Variants in MCUR1 observed in about 807,000 individuals in gnomAD.
The protein encoded by MCUR1 is MCU regulator 1.
A neutral mutation model predicts 42.0 loss-of-function variants in MCUR1; 37 were observed. That is an observed-to-expected ratio of 0.88 (90% confidence interval 0.68 to 1.16). MCUR1 has a LOEUF of 1.16. Among genes scored for constraint, MCUR1 ranks in the 50% most tolerant of loss-of-function variants. The probability of loss-of-function intolerance (pLI) is 0.00; values close to 1 mark genes in which losing one functional copy is unlikely to be tolerated. For synonymous variants in MCUR1, 229 were observed against 196.2 expected (o/e 1.17, Z -1.40); for missense variants, 469 against 468.4 (o/e 1.00, Z -0.01).
At chr6:13,798,289 G>A (rs546992135) in intron 6 of MCUR1, among the ~76,000 whole-genome samples, 4 of 151,940 alleles carry the variant, frequency 2.6e-5, no homozygotes, top group Admixed American at 2.6e-4. Context: ...TACAGACAGG[G>A]TTTCACCATG....
rs1759923489 is a variant in MCUR1 at position 13,798,962 on chromosome 6, A to G, written c.784-58T>C. ...ATCCAAAGTAAGAAACCCAAACTCT[A>G]TGAGGACGTGACACTGGGACCACTG... On this transcript the variant is annotated intron_variant, in intron 5 of 8. Transcript: ENST00000379170. The G allele has an allele frequency of 4.8e-6, 5 of 1,046,364 alleles. No individual in the cohort carries two copies. The South Asian group carries it at 5.2e-5, about 11-fold the overall frequency. 64.8% of individuals were successfully genotyped at this position (1,046,364 alleles called of 1,614,324 possible).
rs1169258867 is a variant in MCUR1, at chr6:13,789,239, A to C, written c.*1570T>G. On this transcript the variant is annotated 3_prime_UTR_variant, in exon 9 of 9. Coordinates refer to ENST00000379170, the MANE Select transcript of MCUR1 (RefSeq NM_001031713.4). ...AACATGGTGAAACCTCATCTCTACT[A>C]AAAATACAAAAATTAGCTGGGCGTG... The C allele has an allele frequency of 6.6e-6, 1 of 152,286 alleles. No individual in the cohort carries two copies. The highest frequency in any genetic ancestry group is 1.5e-5 in the Non-Finnish European group (1 of 68,116). The allele number at this position is 152,286 out of a possible 1,614,324, so 9.4% of individuals were successfully genotyped here. A position where few individuals can be genotyped will look rare whatever the true frequency, so the allele number is the denominator to read the frequency against.
chr6:13,798,787 C>A (rs1193548555), intron 6 of MCUR1, 46 bp downstream of exon 6: 2 of 1,482,684 alleles, frequency 1.3e-6, no homozygotes, highest in South Asian at 1.2e-5. Flanking sequence ...GCATTCCATT[C>A]CAAAAATAAA....
chr6:13,794,001 C>T lies in MCUR1; in HGVS notation c.856-54G>A. 2.6e-6 allele frequency: 4 copies of T among 1,526,628 alleles called. No homozygotes were observed. In the South Asian group the frequency reaches 4.5e-5, roughly 17 times the overall value. The allele number at this position is 1,526,628 out of a possible 1,614,324, so 94.6% of individuals were successfully genotyped here. A position where few individuals can be genotyped will look rare whatever the true frequency, so the allele number is the denominator to read the frequency against. ...TTCTGATCTACTCCTCTCTCTTCTC[C>T]TTCTCTGGTGCCTTAAATATTCTGG... On this transcript the variant is annotated intron_variant, in intron 6 of 8. Coordinates refer to ENST00000379170, the MANE Select transcript of MCUR1 (RefSeq NM_001031713.4).
At chr6:13,799,098 T>A (rs1759928105) in intron 5 of MCUR1, among the ~76,000 whole-genome samples, 194 bp from the exon 6 acceptor site, 1 of 152,144 alleles carries the variant, frequency 6.6e-6, no homozygotes. Flanking sequence ...CCAAGCCACA[T>A]CTGGAGGCAG....
rs535467191 is a variant in MCUR1, at chr6:13,792,936, C to T, written c.910-944G>A. Among the ~76,000 whole-genome samples, 4 of 151,980 alleles carry T rather than the reference C, an allele frequency of 2.6e-5. 1 individual carries two copies. In the East Asian group the frequency reaches 5.8e-4, roughly 22 times the overall value. On this transcript the variant is annotated intron_variant, in intron 7 of 8. Transcript: ENST00000379170. ...TAGAATAAGACTTCTCCATTCCTCA[C>T]TATTCTTCAATTACTGAGATTTAAA... is the stretch of plus-strand genomic sequence containing the variant.
At chr6:13,800,046 G>C (rs1561732220) in intron 5 of MCUR1, among the ~76,000 whole-genome samples, 1 of 151,700 alleles carries the variant, frequency 6.6e-6, no homozygotes, top group African/African-American at 2.4e-5. Flanking sequence ...TGGCCAAGCT[G>C]GTCTGAACTC....
At chr6:13,795,199 T>G (rs1759829263) in intron 6 of MCUR1, among the ~76,000 whole-genome samples, 2 of 143,160 alleles carry the variant, frequency 1.4e-5, no homozygotes, top group Non-Finnish European at 3.1e-5. Flanking sequence ...AGCCAAGGAG[T>G]AGGTTGTAAA....
chr6:13,805,512 G>T (rs1296526981), intron 2 of MCUR1, among the ~76,000 whole-genome samples: 1 of 152,136 alleles, frequency 6.6e-6, no homozygotes, highest in Admixed American at 6.5e-5. Flanking sequence ...TACTATAGAT[G>T]GGCAAATAAA....
chr6:13,802,242 CCTG>C lies in MCUR1; in HGVS notation c.637_639del (p.Gln213del), dbSNP rs1269427933. ...TTGCTAAACCACCCAACAAGGCTAACCTGCTGCATCTTGGTGACCATATCTTTG... is the reference window on the plus strand; with the variant it reads ...TTGCTAAACCACCCAACAAGGCTAACCTGCATCTTGGTGACCATATCTTTG... On this transcript the variant is annotated inframe_deletion and splice_region_variant, in exon 3 of 9. Transcript: ENST00000379170. 1.2e-6 allele frequency: 2 copies of C among 1,613,234 alleles called. No individual in the cohort carries two copies. Among genetic ancestry groups the C allele is most frequent in the Non-Finnish European group, 1.7e-6 (2 of 1,179,426 alleles).
rs1273499178 is a variant in MCUR1 at position 13,814,184 on chromosome 6, G to A, written c.246C>T (p.Ala82=). 7 of 1,373,286 alleles carry A rather than the reference G, an allele frequency of 5.1e-6. No individual in the cohort carries two copies. Among genetic ancestry groups the A allele is most frequent in the Admixed American group, 3.8e-5 (1 of 26,070 alleles). The allele number at this position is 1,373,286 out of a possible 1,614,324, so 85.1% of individuals were successfully genotyped here. The part of the protein sequence containing the change: ...LLLVPSPRLA[A]AAPRRQLGDW... ...CCCCGAGCTGCCGGCGCGGGGCTGC[G>A]GCGGCCAAGCGCGGGGAGGGCACTA... The change falls in exon 1 of 9, where the codon GCC becomes GCT. Residue 82 remains alanine (A), a synonymous_variant. Coordinates refer to ENST00000379170, the MANE Select transcript of MCUR1 (RefSeq NM_001031713.4).
At chr6:13,800,599 C>A (rs1584986072) in intron 4 of MCUR1, among the ~76,000 whole-genome samples, 1 of 152,340 alleles carries the variant, frequency 6.6e-6, no homozygotes, top group East Asian at 1.9e-4. Flanking sequence ...GTTTGGCATA[C>A]ACATTTGCCT....
At chr6:13,812,433 C>T (rs540783464) in intron 1 of MCUR1, among the ~76,000 whole-genome samples, 18 of 152,288 alleles carry the variant, frequency 1.2e-4, no homozygotes, top group African/African-American at 4.3e-4. Flanking sequence ...ACCACCTTAC[C>T]GATTGGTCAG....
chr6:13,800,606 G>A (rs1759969784), intron 4 of MCUR1, among the ~76,000 whole-genome samples: 1 of 152,186 alleles, frequency 6.6e-6, no homozygotes, highest in Non-Finnish European at 1.5e-5. Context: ...ATACACATTT[G>A]CCTTCAGTGA....
chr6:13,805,793 T>C (rs892307029), intron 2 of MCUR1, among the ~76,000 whole-genome samples: 1 of 152,222 alleles, frequency 6.6e-6, no homozygotes, highest in Admixed American at 6.5e-5. Context: ...TTTTTGAGAA[T>C]GTGTCACCAT....
At chr6:13,805,858 C>T (rs2113473829) in intron 2 of MCUR1, among the ~76,000 whole-genome samples, 1 of 152,288 alleles carries the variant, frequency 6.6e-6, no homozygotes, top group South Asian at 2.1e-4. Context: ...TGAGAATGTT[C>T]CCTACATTCT....
intron 1 of MCUR1, among the ~76,000 whole-genome samples, chr6:13,809,099 G>GT (rs1760174262): frequency 6.6e-6 from 1 of 152,018 alleles, no homozygotes; most frequent in Admixed American, 6.5e-5. Context: ...TTGTTTTCTT[G>GT]TATTTCCCTA....
intron 6 of MCUR1, among the ~76,000 whole-genome samples, chr6:13,798,084 G>C (rs1759896764): frequency 6.6e-6 from 1 of 151,688 alleles, no homozygotes; most frequent in African/African-American, 2.4e-5. Context: ...GCACTTAAAA[G>C]ACAACATAGA....
chr6:13,801,430 A>T, intron 3 of MCUR1, 41 bp from the exon 4 acceptor site: 1 of 1,409,404 alleles, frequency 7.1e-7, no homozygotes, highest in Non-Finnish European at 9.9e-7. Flanking sequence ...AGTCTACCCT[A>T]AAAAGTCCAC....
Sources: gnomAD v4.1 joint callset for allele counts (sites outside exome capture counted in the v4.1 genomes callset) on GRCh38, gnomAD v4.1.1 for gene constraint, MANE v1.5 for transcripts, NCBI Gene and HGNC (gene_info 2026-07-23, HGNC 2026-07-21) for gene names.